THAP3: variants seen among roughly 807,000 people sequenced by gnomAD.
THAP3 encodes the protein THAP domain containing 3.
A neutral mutation model predicts 17.7 loss-of-function variants in THAP3; 12 were observed. That is an observed-to-expected ratio of 0.68 (90% CI 0.43 to 1.10). The LOEUF (loss-of-function observed/expected upper bound fraction) is 1.10, where lower values mean the gene tolerates loss of function less well. Among genes scored for constraint, THAP3 ranks in the 50% least tolerant of loss-of-function variants. THAP3 has a pLI of 0.00. For missense variants in THAP3, 289 were observed against 318.0 expected, an observed-to-expected ratio of 0.91 and a Z score of 0.69; for synonymous variants, 133 against 126.9, an observed-to-expected ratio of 1.05 and a Z score of -0.32.
intron 2 of THAP3, among the ~76,000 whole-genome samples, chr1:6,626,225 G>T (rs1285922280): frequency 6.6e-6 from 1 of 152,040 alleles, no homozygotes; most frequent in African/African-American, 2.4e-5. Context: ...TAGGAGGATC[G>T]CTTGAACCCA....
At chr1:6,631,180 T>A (rs1392835591) in intron 4 of THAP3, among the ~76,000 whole-genome samples, 169 of 2,342 alleles carry the variant, frequency 0.072, no homozygotes, top group African/African-American at 0.14. Context: ...AATTAAAAAT[T>A]TTTTTTTTTT....
At chr1:6,632,687 G>A (rs1641653216) in intron 5 of THAP3, 109 bp from the exon 6 acceptor site, 1 of 1,468,088 alleles carries the variant, frequency 6.8e-7, no homozygotes, top group African/African-American at 1.4e-5. Flanking sequence ...GCAGCCCGGA[G>A]TGTCTAGCTG....
chr1:6,632,402 G>A lies in THAP3; in HGVS notation c.345G>A (p.Glu115=). ...SSSQKEKVLP[E]AGAGEDSPGR... ...CCTGCCGTTCCCAGGTCCTCCCTGA[G>A]GCGGGGGCCGGAGAGGACAGTCCTG... The change falls in exon 5 of 6, where the codon GAG becomes GAA. Residue 115 remains glutamate, a synonymous_variant. Transcript: ENST00000054650. The A allele has an allele frequency of 1.9e-6, 3 of 1,613,756 alleles. No individual in the cohort carries two copies. Among genetic ancestry groups the A allele is most frequent in the Non-Finnish European group, 2.5e-6 (3 of 1,179,968 alleles).
At chr1:6,633,770 C>T (rs528373096), downstream of THAP3, among the ~76,000 whole-genome samples, 100 of 152,164 alleles carry the variant, frequency 6.6e-4, no homozygotes, top group African/African-American at 2.3e-3. Flanking sequence ...ATTAGCCAGG[C>T]GTGGTGGCAC....
chr1:6,633,284 G>A lies in THAP3; in HGVS notation c.*207G>A, dbSNP rs892160131. On this transcript the variant is annotated 3_prime_UTR_variant, in exon 6 of 6. Transcript: ENST00000054650. ...CGTTTAGAGGCGTGGCACTAGGAGT[G>A]CACATCTGTGAGCATGACAAGCTTA... 7.0e-7 allele frequency: 1 copy of A among 1,427,270 alleles called. No individual in the cohort carries two copies. Among genetic ancestry groups the A allele is most frequent in the South Asian group, 1.5e-5 (1 of 65,454 alleles). The allele number at this position is 1,427,270 out of a possible 1,614,324, so 88.4% of individuals were successfully genotyped here.
At chr1:6,630,122 G>T (rs1330120274) in intron 3 of THAP3, among the ~76,000 whole-genome samples, 166 bp from the exon 4 acceptor site, 3 of 152,250 alleles carry the variant, frequency 2.0e-5, no homozygotes, top group African/African-American at 7.2e-5. Flanking sequence ...CGCACCAAGC[G>T]GGCAGTGTGA....
chr1:6,631,606 TAAAA>T (rs1641616634), intron 4 of THAP3, among the ~76,000 whole-genome samples: 2 of 152,022 alleles, frequency 1.3e-5, no homozygotes, highest in African/African-American at 4.8e-5. Context: ...CCATCTCTAC[TAAAA>T]ATACAAAAAT....
intron 5 of THAP3, 113 bp downstream of exon 5, chr1:6,632,608 C>T (rs780597322): frequency 4.3e-5 from 65 of 1,509,984 alleles, no homozygotes; most frequent in Non-Finnish European, 5.5e-5. Context: ...GCAGGGTGTG[C>T]AGCCTGGGTT....
chr1:6,625,404 C>A, intron 2 of THAP3, 112 bp downstream of exon 2: 1 of 986,052 alleles, frequency 1.0e-6, no homozygotes, highest in Non-Finnish European at 1.3e-6. Flanking sequence ...CCGCTGGGCC[C>A]GGGGACAGGC....
Position 6,628,657 on chromosome 1 carries a change from T to A in THAP3, c.233T>A (p.Val78Glu). The part of the protein sequence containing the change: ...GNRKNLKHNA[V>E]PTVFAFQDPT... The stretch of plus-strand genomic sequence containing the variant: ...CGCAAGAACCTAAAGCACAATGCCG[T>A]GCCCACGGTGTTCGCCTTTCAGGAC... The change falls in exon 3 of 6, where the codon GTG becomes GAG. Residue 78 changes from valine to glutamate, a missense_variant. Transcript: ENST00000054650. 2 of 1,613,592 alleles carry A rather than the reference T, an allele frequency of 1.2e-6. No individual in the cohort carries two copies. Among genetic ancestry groups the A allele is most frequent in the Non-Finnish European group, 1.7e-6 (2 of 1,179,980 alleles).
chr1:6,626,105 C>T (rs1420792537), intron 2 of THAP3, among the ~76,000 whole-genome samples: 6 of 151,080 alleles, frequency 4.0e-5, no homozygotes, highest in Admixed American at 2.0e-4. Flanking sequence ...CCTGGGAGTT[C>T]GAGACCTGCC....
rs1641687804 is a variant in THAP3 at position 6,633,521 on chromosome 1, G to A, written c.*444G>A. The A allele has an allele frequency of 1.2e-5, 13 of 1,099,490 alleles. No homozygotes were observed. Among genetic ancestry groups the A allele is most frequent in the Non-Finnish European group, 1.3e-5 (12 of 898,910 alleles). The allele number at this position is 1,099,490 out of a possible 1,614,324, so 68.1% of individuals were successfully genotyped here. ...GGTTCTAAGGAGTGACTCCTGTCCC[G>A]GCCTGGTGTGAGTGGGCAGTGTAAT... On this transcript the variant is annotated 3_prime_UTR_variant, in exon 6 of 6. Coordinates refer to ENST00000054650, the MANE Select transcript of THAP3 (RefSeq NM_001195753.2).
chr1:6,625,482 G>A (rs1641443230), intron 2 of THAP3, among the ~76,000 whole-genome samples, 190 bp downstream of exon 2: 1 of 151,676 alleles, frequency 6.6e-6, no homozygotes, highest in African/African-American at 2.4e-5. Flanking sequence ...GTGGCGGACG[G>A]AGGGGCAGCG....
Position 6,628,526 on chromosome 1 carries a change from G to T in THAP3, c.102G>T (p.Leu34=), listed in dbSNP as rs1424936159. 2 of 1,613,610 alleles carry T rather than the reference G, an allele frequency of 1.2e-6. No individual in the cohort carries two copies. The highest frequency in any genetic ancestry group is 1.7e-4 in the Middle Eastern group (1 of 6,048). ...TTCCGTTCAGCCGCCCGGAGCTGCT[G>T]AAGGAATGGGTGCTGAACATCGGCC... The part of the protein sequence containing the change: ...HRFPFSRPEL[L]KEWVLNIGRG... The change falls in exon 3 of 6, where the codon CTG becomes CTT. Residue 34 remains leucine (L), a synonymous_variant. Coordinates refer to ENST00000054650, the MANE Select transcript of THAP3 (RefSeq NM_001195753.2).
chr1:6,634,760 C>G, downstream of THAP3: 4 of 1,337,220 alleles, frequency 3.0e-6, no homozygotes, highest in Non-Finnish European at 4.0e-6. Flanking sequence ...GCTGGACCTG[C>G]AGGAGCGGGG....
chr1:6,625,382 A>G (rs12746591), intron 2 of THAP3, 90 bp downstream of exon 2: 875,063 of 1,278,746 alleles, frequency 0.68, 300,075 homozygotes, highest in Middle Eastern at 0.79. Context: ...CGGGAGGCCC[A>G]AAGGCGTGCG....
downstream of THAP3, chr1:6,635,322 A>AGAC (rs1641740942): frequency 4.4e-6 from 1 of 224,880 alleles, no homozygotes; most frequent in African/African-American, 2.3e-5. Context: ...GGTGCTCCAC[A>AGAC]GACACCTCCA....
chr1:6,628,818 T>C, intron 3 of THAP3, 127 bp downstream of exon 3: 2 of 924,436 alleles, frequency 2.2e-6, no homozygotes, highest in South Asian at 3.4e-5. Flanking sequence ...ACAACAGCAC[T>C]GTCACGCCTC....
At position 6,632,407 on chromosome 1, in the gene THAP3, G is replaced by T; in HGVS notation, c.350G>T (p.Gly117Val). ...SQKEKVLPEA[G>V]AGEDSPGRNM... ...CGTTCCCAGGTCCTCCCTGAGGCGG[G>T]GGCCGGAGAGGACAGTCCTGGGAGA... The change falls in exon 5 of 6, where the codon GGG becomes GTG. Residue 117 changes from glycine to valine, a missense_variant. Transcript: ENST00000054650. 6.2e-7 allele frequency: 1 copy of T among 1,613,826 alleles called. No individual in the cohort carries two copies. The highest frequency in any genetic ancestry group is 2.2e-5 in the East Asian group (1 of 44,876).
Sources: allele counts gnomAD v4.1 joint callset (sites outside exome capture counted in the v4.1 genomes callset), GRCh38; gene constraint gnomAD v4.1.1; transcripts MANE v1.5; gene names NCBI Gene and HGNC (gene_info 2026-07-23, HGNC 2026-07-21).